PRKN: variants seen among roughly 807,000 people sequenced by gnomAD.
PRKN encodes the protein parkin RBR E3 ubiquitin protein ligase, also known as E3 ubiquitin-protein ligase parkin.
A neutral mutation model predicts 59.5 loss-of-function variants in PRKN; 56 were observed. The observed-to-expected ratio is 0.94, with a 90% CI of 0.76 to 1.18. The LOEUF is 1.18. PRKN is among the 50% of genes most tolerant of loss of function. The pLI, the probability that PRKN is intolerant of heterozygous loss-of-function variation, is 0.00. For missense variants in PRKN, 657 were observed against 596.4 expected, an observed-to-expected ratio of 1.10 and a Z score of -1.06; for synonymous variants, 250 against 222.1, an observed-to-expected ratio of 1.13 and a Z score of -1.12.
chr6:162,480,398 C>T (rs6930426), intron 1 of PRKN, among the ~76,000 whole-genome samples: 9,564 of 152,014 alleles, frequency 0.063, 1,016 homozygotes, highest in African/African-American at 0.22. Flanking sequence ...TTGAATGATA[C>T]GGACAATTAC....
Position 161,354,069 on chromosome 6 carries a change from A to T in PRKN, c.1286-3858T>A, listed in dbSNP as rs554078285. 1.7e-3 allele frequency among the ~76,000 whole-genome samples: 264 copies of T among 152,374 alleles called. 3 individuals carry two copies. The highest frequency in any genetic ancestry group is 3.4e-3 in the Middle Eastern group (1 of 294). ...TGAATCTGGGATACTAGCATTGTAA[A>T]TGATATCTTGGTACAGAAGCTAGAA... On this transcript the variant is annotated intron_variant, in intron 11 of 11. Coordinates refer to ENST00000366898, the MANE Select transcript of PRKN (RefSeq NM_004562.3). The surrounding 1 kb of genome is among the most constrained non-coding windows in gnomAD (Gnocchi z 6.7).
At position 161,545,332 on chromosome 6, in the gene PRKN, G is replaced by A; in HGVS notation, c.1083+3522C>T. On this transcript the variant is annotated intron_variant, in intron 9 of 11. Transcript: ENST00000366898. The surrounding 1 kb of genome is among the most constrained non-coding windows in gnomAD (Gnocchi z 4.1). ...GGGCTTTTTCCACATCTGGAACTCT[G>A]TAATTCTTCTATAGCTTTGCTACCA... The A allele has an allele frequency of 6.3e-7, 1 of 1,595,898 alleles. No homozygotes were observed. Among genetic ancestry groups the A allele is most frequent in the African/African-American group, 1.3e-5 (1 of 74,784 alleles).
chr6:162,375,374 T>C (rs554452714), intron 2 of PRKN, among the ~76,000 whole-genome samples: 1 of 151,280 alleles, frequency 6.6e-6, no homozygotes, highest in South Asian at 2.1e-4. Context: ...GGGGAGCGGG[T>C]AAGAAGATCC....
rs1784611425 is a variant in PRKN, at chr6:162,351,219, C to A, written c.172-88454G>T. On this transcript the variant is annotated intron_variant, in intron 2 of 11. Transcript: ENST00000366898. ...AAATAAAAATAAAAAATAAAACAAC[C>A]CAATAAAAAGTGGAAAATGAAGAAA... 2.0e-5 allele frequency among the ~76,000 whole-genome samples: 3 copies of A among 151,726 alleles called. 1 individual carries two copies. The South Asian group carries it at 6.2e-4, about 32-fold the overall frequency.
chr6:162,363,851 T>C (rs978957778), intron 2 of PRKN, among the ~76,000 whole-genome samples: 1 of 151,822 alleles, frequency 6.6e-6, no homozygotes, highest in African/African-American at 2.4e-5. Context: ...TTACTCAGGG[T>C]TGCTTATGCA....
intron 1 of PRKN, among the ~76,000 whole-genome samples, chr6:162,515,479 T>C (rs146127186): frequency 3.3e-5 from 5 of 152,302 alleles, no homozygotes; most frequent in African/African-American, 4.8e-5. Context: ...AATATGCTCA[T>C]AAAATCAGAA....
chr6:162,288,893 G>A (rs959983386), intron 2 of PRKN, among the ~76,000 whole-genome samples: 4 of 152,138 alleles, frequency 2.6e-5, no homozygotes, highest in East Asian at 1.9e-4. Context: ...TTGATCAAAC[G>A]GGCTCTTGAA....
chr6:162,558,720 T>C (rs1225281751), intron 1 of PRKN, among the ~76,000 whole-genome samples: 1 of 151,484 alleles, frequency 6.6e-6, no homozygotes, highest in African/African-American at 2.4e-5. Flanking sequence ...CCCATCACAG[T>C]CTCTGCCTCC....
chr6:162,087,974 T>A (rs530028591), intron 4 of PRKN, among the ~76,000 whole-genome samples: 75 of 152,166 alleles, frequency 4.9e-4, no homozygotes, highest in African/African-American at 1.6e-3. Context: ...GCACTAACGC[T>A]CCTCTGGCTT....
At chr6:162,400,460 A>G (rs1224067425) in intron 2 of PRKN, among the ~76,000 whole-genome samples, 6 of 93,976 alleles carry the variant, frequency 6.4e-5, no homozygotes, top group Non-Finnish European at 7.9e-5. Flanking sequence ...TAAATATCAA[A>G]AAAAAAAAAA....
chr6:162,359,318 G>A (rs957302303), intron 2 of PRKN, among the ~76,000 whole-genome samples: 1 of 151,806 alleles, frequency 6.6e-6, no homozygotes, highest in Non-Finnish European at 1.5e-5. Context: ...TTAGCTCCAT[G>A]AATGTTGAGA....
chr6:162,366,620 T>A (rs1297457084), intron 2 of PRKN, among the ~76,000 whole-genome samples: 3 of 152,078 alleles, frequency 2.0e-5, no homozygotes, highest in Non-Finnish European at 4.4e-5. Context: ...AAATGTTTAT[T>A]CCCGGCCAGG....
intron 1 of PRKN, among the ~76,000 whole-genome samples, chr6:162,627,435 C>T (rs2128221967): frequency 6.6e-6 from 1 of 152,210 alleles, no homozygotes; most frequent in South Asian, 2.1e-4. Context: ...CTCTACGCTG[C>T]CTACTTTGGA....
chr6:162,534,339 C>G (rs1271755104), intron 1 of PRKN, among the ~76,000 whole-genome samples: 1 of 152,150 alleles, frequency 6.6e-6, no homozygotes, highest in Non-Finnish European at 1.5e-5. Context: ...TCTCTCAGGA[C>G]TCCATCTGCC....
intron 5 of PRKN, among the ~76,000 whole-genome samples, chr6:162,004,820 C>G (rs1782187138): frequency 6.6e-6 from 1 of 152,126 alleles, no homozygotes; most frequent in African/African-American, 2.4e-5. Context: ...TCCTCAGGCT[C>G]ACATATGATT....
chr6:162,201,303 AG>A (rs779713661), intron 3 of PRKN, 51 bp from the exon 4 acceptor site: 1 of 1,598,606 alleles, frequency 6.3e-7, no homozygotes, highest in African/African-American at 1.3e-5. Context: ...ATCTAAATTG[AG>A]ACAAGAAACT....
intron 6 of PRKN, among the ~76,000 whole-genome samples, chr6:161,889,360 C>G (rs905500321): frequency 3.9e-4 from 59 of 152,016 alleles, no homozygotes; most frequent in African/African-American, 1.2e-3. Context: ...GCCCAGATGT[C>G]CCTTATTGAG....
intron 2 of PRKN, among the ~76,000 whole-genome samples, chr6:162,379,215 A>T (rs58099392): frequency 0.27 from 40,259 of 151,822 alleles, 5,519 homozygotes; most frequent in African/African-American, 0.3. Flanking sequence ...TGCCATTGCC[A>T]GGGAAGCTGG....
At chr6:161,827,412 A>G (rs1370183217) in intron 6 of PRKN, among the ~76,000 whole-genome samples, 1 of 152,152 alleles carries the variant, frequency 6.6e-6, no homozygotes, top group African/African-American at 2.4e-5. Context: ...CAGAGGATAC[A>G]TGTATCTATA....
Sources: allele counts gnomAD v4.1 joint callset (sites outside exome capture counted in the v4.1 genomes callset), GRCh38; gene constraint gnomAD v4.1.1; non-coding constraint Gnocchi (gnomAD v3.1); transcripts MANE v1.5; gene names NCBI Gene and HGNC (gene_info 2026-07-23, HGNC 2026-07-21).